The following EPHB1 variants were observed in gnomAD, a reference collection of about 807,000 sequenced individuals.
EPHB1 encodes ephrin type-B receptor 1.
EPHB1 carries 30 observed loss-of-function variants against 94.4 expected under a neutral mutation model. The observed-to-expected ratio is 0.32, with a 90% CI of 0.24 to 0.43. The LOEUF (loss-of-function observed/expected upper bound fraction) is 0.43. Ranked by LOEUF, EPHB1 falls within the 20% of genes least tolerant of loss-of-function variation. The probability of loss-of-function intolerance (pLI) is 1.00; values close to 1 mark genes in which losing one functional copy is unlikely to be tolerated. For synonymous variants in EPHB1, 522 were observed against 489.1 expected (o/e 1.07, Z -0.89); for missense variants, 1,055 against 1,308.3 (o/e 0.81, Z 2.99).
At chr3:135,248,273 TG>T in intron 13 of EPHB1, 42 bp from the exon 14 acceptor site, 1 of 1,472,776 alleles carries the variant, frequency 6.8e-7, no homozygotes, top group South Asian at 1.4e-5. Context: ...GACTGGCTGG[TG>T]GCAGTCACTC....
intron 3 of EPHB1, among the ~76,000 whole-genome samples, chr3:134,981,708 A>T (rs1176528748): frequency 6.6e-6 from 1 of 152,164 alleles, no homozygotes; most frequent in African/African-American, 2.4e-5. Flanking sequence ...ATGTTTAGTG[A>T]GTACCCACCC....
intron 3 of EPHB1, among the ~76,000 whole-genome samples, chr3:134,989,506 C>G (rs1487113821): frequency 2.0e-5 from 3 of 151,768 alleles, no homozygotes; most frequent in African/African-American, 7.3e-5. Flanking sequence ...TGCACACACA[C>G]ACACACACAC....
intron 1 of EPHB1, among the ~76,000 whole-genome samples, chr3:134,810,995 C>T (rs931942571): frequency 6.6e-6 from 1 of 152,012 alleles, no homozygotes; most frequent in Non-Finnish European, 1.5e-5. Context: ...AAGGGGAGTC[C>T]CATAAAGGAC....
chr3:135,214,320 G>T (rs1943094920), intron 12 of EPHB1, among the ~76,000 whole-genome samples: 1 of 152,100 alleles, frequency 6.6e-6, no homozygotes, highest in South Asian at 2.1e-4. Flanking sequence ...CACATTAACT[G>T]CTTAGATCCA....
intron 12 of EPHB1, among the ~76,000 whole-genome samples, chr3:135,208,373 G>A (rs990489516): frequency 2.4e-4 from 37 of 151,660 alleles, no homozygotes; most frequent in Non-Finnish European, 2.8e-4. Context: ...CGTGTGGCCC[G>A]AAAGTGATGG....
At chr3:134,990,125 A>G (rs1322369012) in intron 3 of EPHB1, among the ~76,000 whole-genome samples, 2 of 152,180 alleles carry the variant, frequency 1.3e-5, no homozygotes, top group African/African-American at 4.8e-5. Flanking sequence ...TTTGTTATCA[A>G]AAAACTTTCC....
chr3:135,086,813 C>T lies in EPHB1; in HGVS notation c.806-19635C>T, dbSNP rs191357588. On this transcript the variant is annotated intron_variant, in intron 3 of 15. Coordinates refer to ENST00000398015, the MANE Select transcript of EPHB1 (RefSeq NM_004441.5). ...TTGTATTCTTTGAGAATGGGGACTCCAGCTTACTCTTCTCTGTAAAGTCAG... is the reference window on the plus strand; with the variant it reads ...TTGTATTCTTTGAGAATGGGGACTCTAGCTTACTCTTCTCTGTAAAGTCAG... 1.9e-3 allele frequency among the ~76,000 whole-genome samples: 287 copies of T among 152,198 alleles called. 4 individuals are homozygous for T. The highest frequency in any genetic ancestry group is 6.7e-3 in the African/African-American group (278 of 41,528).
intron 12 of EPHB1, among the ~76,000 whole-genome samples, chr3:135,233,315 G>A (rs1479122105): frequency 6.6e-6 from 1 of 152,228 alleles, no homozygotes; most frequent in East Asian, 1.9e-4. Flanking sequence ...AAACAAAGGG[G>A]CTACAGGCCC....
At chr3:134,887,985 A>G (rs1050150311) in intron 1 of EPHB1, among the ~76,000 whole-genome samples, 16 of 152,228 alleles carry the variant, frequency 1.1e-4, no homozygotes, top group African/African-American at 3.4e-4. Flanking sequence ...AGCATTTACA[A>G]GTGGCTTTGT....
chr3:134,852,331 C>T (rs191154303), intron 1 of EPHB1, among the ~76,000 whole-genome samples: 123 of 152,272 alleles, frequency 8.1e-4, no homozygotes, highest in African/African-American at 2.7e-3. Flanking sequence ...GGACGGGTTC[C>T]GAAGATGTTA....
In EPHB1 at chr3:134,998,891, G is replaced by A. The variant is rs150701773; in HGVS notation, c.805+46839G>A. On this transcript the variant is annotated intron_variant, in intron 3 of 15. Coordinates refer to ENST00000398015, the MANE Select transcript of EPHB1 (RefSeq NM_004441.5). ...AGAGAGAAAAAGGGATCAAGGATAGGCACTGGGCTTTGAGGGACATGATGG... is the reference window on the plus strand; with the variant it reads ...AGAGAGAAAAAGGGATCAAGGATAGACACTGGGCTTTGAGGGACATGATGG... Among the ~76,000 whole-genome samples, 695 of 152,314 alleles carry A rather than the reference G, an allele frequency of 4.6e-3. 9 individuals carry two copies. Among genetic ancestry groups the A allele is most frequent in the African/African-American group, 0.015 (640 of 41,562 alleles).
intron 1 of EPHB1, among the ~76,000 whole-genome samples, chr3:134,804,910 G>C (rs962218977): frequency 6.6e-6 from 1 of 152,258 alleles, no homozygotes; most frequent in Admixed American, 6.5e-5. Context: ...AGTGGAAAGG[G>C]CTGAGCAGGA....
At chr3:134,938,343 A>G (rs559220496) in intron 2 of EPHB1, among the ~76,000 whole-genome samples, 59 of 152,272 alleles carry the variant, frequency 3.9e-4, no homozygotes, top group African/African-American at 1.3e-3. Context: ...TTTCCCTAAC[A>G]TGCTGGTAGA....
intron 3 of EPHB1, among the ~76,000 whole-genome samples, chr3:135,041,345 TG>T (rs1280641321): frequency 6.6e-6 from 1 of 152,168 alleles, no homozygotes; most frequent in South Asian, 2.1e-4. Flanking sequence ...GCACAGTGTC[TG>T]GGGGGCCTTC....
At chr3:135,235,393 C>A (rs1052913476) in intron 12 of EPHB1, among the ~76,000 whole-genome samples, 12 of 152,170 alleles carry the variant, frequency 7.9e-5, no homozygotes, top group Non-Finnish European at 1.6e-4. Flanking sequence ...TACCCCAGAA[C>A]TAGTAAATTT....
chr3:134,972,995 AG>A (rs1198722785), intron 3 of EPHB1, among the ~76,000 whole-genome samples: 1 of 152,114 alleles, frequency 6.6e-6, no homozygotes, highest in Admixed American at 6.5e-5. Flanking sequence ...TCTCTGGCCC[AG>A]GGGGGTTGGT....
intron 2 of EPHB1, among the ~76,000 whole-genome samples, chr3:134,936,604 A>G (rs7650345): frequency 0.34 from 52,070 of 151,964 alleles, 9,309 homozygotes; most frequent in Middle Eastern, 0.48. Flanking sequence ...TGCTCTGACA[A>G]TAGAATGAGG....
At chr3:135,000,390 G>A (rs1935134992) in intron 3 of EPHB1, among the ~76,000 whole-genome samples, 1 of 152,094 alleles carries the variant, frequency 6.6e-6, no homozygotes, top group Admixed American at 6.5e-5. Flanking sequence ...CTTTAAGAGG[G>A]AAAAAAATCA....
intron 1 of EPHB1, among the ~76,000 whole-genome samples, chr3:134,807,106 G>T (rs1037528229): frequency 2.0e-5 from 3 of 152,168 alleles, no homozygotes; most frequent in Admixed American, 2.0e-4. Flanking sequence ...CCCATCTCTG[G>T]GGTGTCCAGG....
Sources: gnomAD v4.1 joint callset for allele counts (sites outside exome capture counted in the v4.1 genomes callset) on GRCh38, gnomAD v4.1.1 for gene constraint, MANE v1.5 for transcripts, NCBI Gene and HGNC (gene_info 2026-07-23, HGNC 2026-07-21) for gene names.